The following SDHAF3 variants were observed in gnomAD, a reference collection of about 807,000 sequenced individuals.
The protein encoded by SDHAF3 is succinate dehydrogenase assembly factor 3, mitochondrial.
SDHAF3 carries 18 observed loss-of-function variants against 11.5 expected under a neutral mutation model. That is an observed-to-expected ratio of 1.56 (90% CI 1.08 to 2.32). The LOEUF (loss-of-function observed/expected upper bound fraction) is 2.32, where lower values mean the gene tolerates loss of function less well. Ranked by LOEUF, SDHAF3 falls within the 30% of genes most tolerant of loss-of-function variation. The probability of loss-of-function intolerance (pLI) is 0.00; values close to 1 mark genes in which losing one functional copy is unlikely to be tolerated. For synonymous variants in SDHAF3, 72 were observed against 59.3 expected, an observed-to-expected ratio of 1.21 and a Z score of -0.99; for missense variants, 200 against 154.4, an observed-to-expected ratio of 1.30 and a Z score of -1.57.
At chr7:97,120,252 A>T (rs1253507661) in intron 1 of SDHAF3, among the ~76,000 whole-genome samples, 1 of 152,178 alleles carries the variant, frequency 6.6e-6, no homozygotes, top group Non-Finnish European at 1.5e-5. Context: ...AGCTGGGTAA[A>T]GATAAATTTA....
rs929348752 is a variant in SDHAF3 at position 97,169,773 on chromosome 7, CTT to C, written c.175-11237_175-11236del. Among the ~76,000 whole-genome samples, 8 of 152,026 alleles carry C rather than the reference CTT, an allele frequency of 5.3e-5. No individual in the cohort carries two copies. In the East Asian group the frequency reaches 7.7e-4, roughly 15 times the overall value. The stretch of plus-strand genomic sequence containing the variant: ...AAAGAAAAAATTATAGTTTTGAACT[CTT>C]TATGTTTTTAATGTCTGCGAGTGAA... On this transcript the variant is annotated intron_variant, in intron 1 of 1. Coordinates refer to ENST00000432641, the MANE Select transcript of SDHAF3 (RefSeq NM_020186.3).
intron 1 of SDHAF3, among the ~76,000 whole-genome samples, chr7:97,118,447 C>A (rs942104590): frequency 2.0e-5 from 3 of 152,024 alleles, no homozygotes; most frequent in African/African-American, 7.2e-5. Context: ...GCAGTTAAGT[C>A]AGGCGAAAGT....
At chr7:97,126,837 G>A (rs540533138) in intron 1 of SDHAF3, among the ~76,000 whole-genome samples, 1 of 143,194 alleles carries the variant, frequency 7.0e-6, no homozygotes, top group African/African-American at 2.6e-5. Flanking sequence ...AGGCACCACT[G>A]GAGTACCGAA....
intron 1 of SDHAF3, among the ~76,000 whole-genome samples, chr7:97,175,873 T>C (rs1460030173): frequency 6.6e-6 from 1 of 152,180 alleles, no homozygotes; most frequent in Non-Finnish European, 1.5e-5. Flanking sequence ...TACCACAGCC[T>C]GACTTAAAAC....
intron 1 of SDHAF3, among the ~76,000 whole-genome samples, chr7:97,180,452 T>C (rs1425398641): frequency 6.6e-6 from 1 of 152,136 alleles, no homozygotes; most frequent in Non-Finnish European, 1.5e-5. Context: ...CATGGACTAC[T>C]GGAGGGTGGT....
intron 1 of SDHAF3, chr7:97,136,453 G>A (rs747263747): frequency 1.2e-5 from 8 of 656,800 alleles, no homozygotes; most frequent in African/African-American, 3.6e-5. Context: ...GAAGAATTCC[G>A]ATTTGGTACT....
intron 1 of SDHAF3, among the ~76,000 whole-genome samples, chr7:97,131,967 T>C (rs2115638721): frequency 6.6e-6 from 1 of 152,300 alleles, no homozygotes; most frequent in East Asian, 1.9e-4. Flanking sequence ...ACTAATAACA[T>C]GGAAAAACTG....
intron 1 of SDHAF3, among the ~76,000 whole-genome samples, chr7:97,122,230 G>T (rs914131801): frequency 2.6e-5 from 4 of 152,216 alleles, no homozygotes; most frequent in Non-Finnish European, 5.9e-5. Context: ...AGATGAGGAA[G>T]AAATAAAGCT....
intron 1 of SDHAF3, among the ~76,000 whole-genome samples, chr7:97,154,394 T>C (rs1789272205): frequency 6.6e-6 from 1 of 152,232 alleles, no homozygotes; most frequent in Non-Finnish European, 1.5e-5. Context: ...TGACTAGTGA[T>C]GATGAACATC....
intron 1 of SDHAF3, among the ~76,000 whole-genome samples, chr7:97,150,647 T>G (rs1011500422): frequency 1.1e-4 from 17 of 149,190 alleles, no homozygotes; most frequent in African/African-American, 4.2e-4. Context: ...CACTGTAAGC[T>G]CTGCCACCCG....
chr7:97,144,936 T>G (rs1305720803), intron 1 of SDHAF3, among the ~76,000 whole-genome samples: 1 of 152,164 alleles, frequency 6.6e-6, no homozygotes, highest in Non-Finnish European at 1.5e-5. Flanking sequence ...CCCATCCATG[T>G]GCATGGGGTG....
chr7:97,119,560 C>T (rs1791460430), intron 1 of SDHAF3, among the ~76,000 whole-genome samples: 1 of 152,140 alleles, frequency 6.6e-6, no homozygotes, highest in Non-Finnish European at 1.5e-5. Flanking sequence ...CTTACATAAT[C>T]AGGGTACAGT....
chr7:97,130,099 T>C (rs955406243), intron 1 of SDHAF3, among the ~76,000 whole-genome samples: 5 of 151,954 alleles, frequency 3.3e-5, no homozygotes, highest in African/African-American at 4.8e-5. Flanking sequence ...ATGTGAAATC[T>C]CGTCTCTATT....
At chr7:97,134,983 T>C (rs1270073194) in intron 1 of SDHAF3, 1 of 152,092 alleles carries the variant, frequency 6.6e-6, no homozygotes, top group Non-Finnish European at 1.5e-5. Flanking sequence ...TGGAAAGAGA[T>C]GCTCAGTTTT....
chr7:97,155,258 A>T (rs73233831), intron 1 of SDHAF3, among the ~76,000 whole-genome samples: 26,248 of 152,188 alleles, frequency 0.17, 2,865 homozygotes, highest in Non-Finnish European at 0.25. Context: ...AATTTAAATT[A>T]AAATGAAATC....
At position 97,146,124 on chromosome 7, in the gene SDHAF3, C is replaced by G. The variant is rs549764202; in HGVS notation, c.174+28227C>G. On this transcript the variant is annotated intron_variant, in intron 1 of 1. Coordinates refer to ENST00000432641, the MANE Select transcript of SDHAF3 (RefSeq NM_020186.3). ...ACTTAAATAGGCTTTCCCCCCCCCA[C>G]TTTTGAACGCTAGATGACAGATAAT... is the stretch of plus-strand genomic sequence containing the variant. Among the ~76,000 whole-genome samples the G allele has an allele frequency of 4.0e-5, 6 of 151,474 alleles. No homozygotes were observed. In the South Asian group the frequency reaches 1.3e-3, roughly 32 times the overall value.
intron 1 of SDHAF3, among the ~76,000 whole-genome samples, chr7:97,129,514 T>A (rs1344606522): frequency 6.6e-6 from 1 of 152,220 alleles, no homozygotes; most frequent in Non-Finnish European, 1.5e-5. Flanking sequence ...GCTAGTTTAG[T>A]CTGGCTTTGG....
intron 1 of SDHAF3, among the ~76,000 whole-genome samples, chr7:97,160,420 G>A (rs956419066): frequency 2.6e-5 from 4 of 152,198 alleles, no homozygotes; most frequent in African/African-American, 4.8e-5. Context: ...CGACCATCGA[G>A]AACGGGCCAT....
chr7:97,173,641 C>T (rs780198275), intron 1 of SDHAF3, among the ~76,000 whole-genome samples: 4 of 151,708 alleles, frequency 2.6e-5, no homozygotes, highest in Non-Finnish European at 5.9e-5. Flanking sequence ...CAAGCTCCGC[C>T]TCCCAGGTTG....
Sources: allele counts gnomAD v4.1 joint callset (sites outside exome capture counted in the v4.1 genomes callset), GRCh38; gene constraint gnomAD v4.1.1; transcripts MANE v1.5; gene names NCBI Gene and HGNC (gene_info 2026-07-23, HGNC 2026-07-21).